Variants in AFF3 observed in about 807,000 individuals in gnomAD.
AFF3 encodes AF4/FMR2 family member 3.
A neutral mutation model predicts 129.7 loss-of-function variants in AFF3; 32 were observed. The observed-to-expected ratio is 0.25, with a 90% CI of 0.19 to 0.33. AFF3 has a LOEUF of 0.33. Among genes scored for constraint, AFF3 ranks in the 10% least tolerant of loss-of-function variants. The pLI, the probability that AFF3 is intolerant of heterozygous loss-of-function variation, is 1.00. For missense variants in AFF3, 1,373 were observed against 1,592.0 expected (o/e 0.86, Z 2.34); for synonymous variants, 644 against 635.4 (o/e 1.01, Z -0.20).
chr2:99,571,833 G>T (rs1575389128), intron 18 of AFF3, among the ~76,000 whole-genome samples: 1 of 152,120 alleles, frequency 6.6e-6, no homozygotes, highest in African/African-American at 2.4e-5. Flanking sequence ...GCCTTGCCAC[G>T]AATCACAAAG....
chr2:100,090,331 G>T (rs1266628284), intron 4 of AFF3, among the ~76,000 whole-genome samples: 2 of 152,052 alleles, frequency 1.3e-5, no homozygotes, highest in African/African-American at 4.8e-5. Context: ...TGGTAGATTT[G>T]ACCAGATGTG....
intron 11 of AFF3, among the ~76,000 whole-genome samples, chr2:99,688,429 C>T (rs988787582): frequency 1.3e-5 from 2 of 152,224 alleles, no homozygotes; most frequent in Non-Finnish European, 2.9e-5. Flanking sequence ...AAGCAGTATA[C>T]TTTCCAAATT....
At chr2:99,970,853 C>T (rs1678296849) in intron 7 of AFF3, among the ~76,000 whole-genome samples, 1 of 152,224 alleles carries the variant, frequency 6.6e-6, no homozygotes, top group South Asian at 2.1e-4. Context: ...CTCTACCTCC[C>T]GGGCTTCCTC....
chr2:99,700,569 A>G (rs1197170364), intron 11 of AFF3, among the ~76,000 whole-genome samples: 1 of 152,260 alleles, frequency 6.6e-6, no homozygotes, highest in Non-Finnish European at 1.5e-5. Flanking sequence ...TTACATTCTT[A>G]AAAGCCACCC....
intron 13 of AFF3, among the ~76,000 whole-genome samples, chr2:99,643,300 C>T (rs958798788): frequency 3.7e-4 from 56 of 152,062 alleles, no homozygotes; most frequent in African/African-American, 1.3e-3. Context: ...CCTTGTGATC[C>T]GCCCGCCTTG....
intron 7 of AFF3, among the ~76,000 whole-genome samples, chr2:99,920,885 T>C (rs1290389412): frequency 6.6e-6 from 1 of 152,100 alleles, no homozygotes; most frequent in East Asian, 1.9e-4. Context: ...AAATGCTTTT[T>C]ACAAGAGTAT....
intron 8 of AFF3, among the ~76,000 whole-genome samples, chr2:99,754,019 C>A (rs1681886387): frequency 2.0e-5 from 3 of 152,248 alleles, no homozygotes; most frequent in African/African-American, 7.2e-5. Flanking sequence ...GTTGGGCCAC[C>A]TTGTCTAGGA....
intron 4 of AFF3, among the ~76,000 whole-genome samples, chr2:100,066,276 T>C (rs1486491380): frequency 6.6e-6 from 1 of 152,216 alleles, no homozygotes; most frequent in Non-Finnish European, 1.5e-5. Flanking sequence ...AACTTCCATA[T>C]GACATTAAGC....
intron 11 of AFF3, among the ~76,000 whole-genome samples, chr2:99,706,628 T>A (rs922779218): frequency 6.6e-6 from 1 of 152,224 alleles, no homozygotes; most frequent in African/African-American, 2.4e-5. Flanking sequence ...GAGGAAGGAC[T>A]ATAGAAAAGG....
intron 4 of AFF3, among the ~76,000 whole-genome samples, chr2:100,027,718 A>G (rs1027834096): frequency 3.9e-5 from 6 of 152,194 alleles, no homozygotes; most frequent in Admixed American, 1.3e-4. Flanking sequence ...CCAAGTAAGT[A>G]TGTAATAAAA....
chr2:99,774,324 CT>C (rs1326112423), intron 8 of AFF3, among the ~76,000 whole-genome samples: 1 of 152,168 alleles, frequency 6.6e-6, no homozygotes, highest in African/African-American at 2.4e-5. Context: ...AGGCATCACA[CT>C]GCCCAACTTT....
intron 3 of AFF3, chr2:100,105,242 G>A: frequency 9.5e-7 from 1 of 1,057,684 alleles, no homozygotes. Flanking sequence ...CGCTCCCGCG[G>A]GCGGCGGACC....
At chr2:99,560,741 C>G (rs779256063) in intron 20 of AFF3, among the ~76,000 whole-genome samples, 1 of 152,182 alleles carries the variant, frequency 6.6e-6, no homozygotes, top group Non-Finnish European at 1.5e-5. Flanking sequence ...GCTAACATGT[C>G]CATTTTTCCA....
intron 16 of AFF3, among the ~76,000 whole-genome samples, 163 bp downstream of exon 16, chr2:99,586,991 T>C (rs1167685693): frequency 2.6e-5 from 4 of 152,088 alleles, no homozygotes; most frequent in Non-Finnish European, 4.4e-5. Flanking sequence ...GTGTGGCACA[T>C]GTGTAGCCAT....
At chr2:99,688,213 A>G (rs1675262549) in intron 11 of AFF3, among the ~76,000 whole-genome samples, 1 of 152,160 alleles carries the variant, frequency 6.6e-6, no homozygotes, top group African/African-American at 2.4e-5. Flanking sequence ...AATACTAGTC[A>G]ACTGTTCCTG....
intron 7 of AFF3, among the ~76,000 whole-genome samples, chr2:99,923,524 TA>T (rs1190957884): frequency 6.6e-6 from 1 of 152,206 alleles, no homozygotes; most frequent in African/African-American, 2.4e-5. Flanking sequence ...AACTTATATT[TA>T]TGCAAAAGGA....
intron 11 of AFF3, among the ~76,000 whole-genome samples, chr2:99,680,357 G>A (rs1236925492): frequency 1.3e-5 from 2 of 152,160 alleles, no homozygotes; most frequent in Non-Finnish European, 2.9e-5. Context: ...GATGTTCTCA[G>A]TATTAAAGAA....
At chr2:99,681,771 T>C (rs2104557966) in intron 11 of AFF3, among the ~76,000 whole-genome samples, 1 of 152,240 alleles carries the variant, frequency 6.6e-6, no homozygotes, top group Non-Finnish European at 1.5e-5. Context: ...ATTACTGTCA[T>C]TCAGCAGCTT....
chr2:99,798,295 A>T (rs1685690509), intron 8 of AFF3, among the ~76,000 whole-genome samples: 1 of 152,148 alleles, frequency 6.6e-6, no homozygotes, highest in East Asian at 1.9e-4. Flanking sequence ...AAAACAAAAA[A>T]ATAACTCAAT....
Sources: gnomAD v4.1 joint callset for allele counts (sites outside exome capture counted in the v4.1 genomes callset) on GRCh38, gnomAD v4.1.1 for gene constraint, MANE v1.5 for transcripts, NCBI Gene and HGNC (gene_info 2026-07-23, HGNC 2026-07-21) for gene names.